The following CAB39 variants were observed in gnomAD, a reference collection of about 807,000 sequenced individuals.
CAB39 encodes calcium-binding protein 39.
A neutral mutation model predicts 40.0 loss-of-function variants in CAB39; 8 were observed. The observed-to-expected ratio is 0.20, with a 90% CI of 0.12 to 0.36. The LOEUF is 0.36. Among genes scored for constraint, CAB39 ranks in the 10% least tolerant of loss-of-function variants. The pLI is 1.00. For synonymous variants in CAB39, 156 were observed against 141.6 expected (o/e 1.10, Z -0.72); for missense variants, 270 against 401.1 (o/e 0.67, Z 2.79).
chr2:230,747,686 T>A (rs1466475425), intron 1 of CAB39, among the ~76,000 whole-genome samples: 1 of 152,250 alleles, frequency 6.6e-6, no homozygotes, highest in Admixed American at 6.5e-5. Context: ...TTCCAGTGAT[T>A]TGAGACATAC....
At chr2:230,793,802 C>T (rs1695930661) in intron 4 of CAB39, among the ~76,000 whole-genome samples, 1 of 152,066 alleles carries the variant, frequency 6.6e-6, no homozygotes, top group Admixed American at 6.5e-5. Flanking sequence ...GAAGTAGTGT[C>T]CTTTGATTTT....
chr2:230,728,211 A>G (rs1488913630), intron 1 of CAB39, among the ~76,000 whole-genome samples: 1 of 152,084 alleles, frequency 6.6e-6, no homozygotes, highest in Non-Finnish European at 1.5e-5. Flanking sequence ...GCACTCCAGC[A>G]TGGGCGATAG....
intron 1 of CAB39, among the ~76,000 whole-genome samples, chr2:230,748,849 T>A (rs1199807849): frequency 5.0e-4 from 59 of 118,584 alleles, no homozygotes; most frequent in African/African-American, 1.3e-3. Flanking sequence ...TATATATATA[T>A]ATATATATAT....
At chr2:230,806,297 A>G (rs1215016930) in intron 5 of CAB39, among the ~76,000 whole-genome samples, 2 of 152,314 alleles carry the variant, frequency 1.3e-5, no homozygotes, top group East Asian at 1.9e-4. Flanking sequence ...GCAGGCTACC[A>G]GAGCCCACTT....
At chr2:230,791,097 G>A (rs368477966) in intron 3 of CAB39, 61 bp downstream of exon 3, 17 of 1,232,518 alleles carry the variant, frequency 1.4e-5, no homozygotes, top group South Asian at 1.5e-5. Context: ...TTTTCCATAC[G>A]TTCTCTCTTT....
In CAB39 at chr2:230,798,789, T is replaced by C. The variant is rs761456385; in HGVS notation, c.459T>C (p.His153=). 2.6e-5 allele frequency: 42 copies of C among 1,610,896 alleles called. No individual in the cohort carries two copies. The East Asian group carries it at 8.5e-4, about 33-fold the overall frequency. ...CGIMLRECIR[H]EPLAKIILWS... is the part of the protein sequence containing the mutation. ...TAATGTTAAGAGAATGCATCAGACA[T>C]GAACCACTTGCAAAAATCATTTTGT... The change falls in exon 5 of 9, where the codon CAT becomes CAC. Residue 153 remains histidine, a synonymous_variant. Transcript: ENST00000258418.
intron 1 of CAB39, among the ~76,000 whole-genome samples, chr2:230,727,096 G>A (rs934959276): frequency 5.3e-5 from 8 of 151,962 alleles, no homozygotes; most frequent in Admixed American, 2.0e-4. Flanking sequence ...GTAGACACTG[G>A]GTCTAAATTT....
At chr2:230,785,854 T>C (rs1695780160) in intron 2 of CAB39, among the ~76,000 whole-genome samples, 1 of 151,398 alleles carries the variant, frequency 6.6e-6, no homozygotes. Flanking sequence ...AGCTAACTTT[T>C]GTGTTTTTTT....
chr2:230,799,182 G>GT (rs1294053404), intron 5 of CAB39: 1 of 262,024 alleles, frequency 3.8e-6, no homozygotes, highest in Non-Finnish European at 6.9e-6. Flanking sequence ...TACAGCATAT[G>GT]TAACAACCAG....
rs1366529396 is a variant in CAB39, at chr2:230,817,889, G to A, written c.829G>A (p.Val277Ile). The A allele has an allele frequency of 6.2e-7, 1 of 1,610,340 alleles. No individual in the cohort carries two copies. The highest frequency in any genetic ancestry group is 1.1e-5 in the South Asian group (1 of 90,514). ...CAACATCCAGTTTGAGGCCTTTCAC[G>A]TTTTTAAGGTAGAGTACTAGAAGCA... is the stretch of plus-strand genomic sequence containing the variant. ...SRNIQFEAFH[V>I]FKVFVANPNK... The change falls in exon 8 of 9, where the codon GTT becomes ATT. Residue 277 changes from valine (V) to isoleucine (I), a missense_variant. Val to Ile is a conservative substitution (Grantham distance 29). Transcript: ENST00000258418.
chr2:230,811,520 A>G (rs1381860150), intron 6 of CAB39, among the ~76,000 whole-genome samples: 2 of 152,202 alleles, frequency 1.3e-5, no homozygotes, highest in African/African-American at 2.4e-5. Flanking sequence ...GCCTTTTTAC[A>G]GTAGATAGAA....
intron 5 of CAB39, among the ~76,000 whole-genome samples, chr2:230,803,663 G>T (rs931430141): frequency 4.6e-5 from 7 of 152,154 alleles, no homozygotes; most frequent in African/African-American, 1.7e-4. Context: ...TTGCTACAAA[G>T]AGAATAAAAT....
intron 1 of CAB39, among the ~76,000 whole-genome samples, chr2:230,750,925 A>G (rs1219410898): frequency 1.3e-5 from 2 of 152,228 alleles, no homozygotes; most frequent in South Asian, 2.1e-4. Flanking sequence ...AACCCAGGCT[A>G]TCTTTAAAAC....
rs1279692855 is a variant in CAB39 at position 230,820,442 on chromosome 2, C to T, written c.*1738C>T. 1 of 151,896 alleles carries T rather than the reference C, an allele frequency of 6.6e-6. No individual in the cohort carries two copies. Among genetic ancestry groups the T allele is most frequent in the Non-Finnish European group, 1.5e-5 (1 of 67,976 alleles). The allele number at this position is 151,896 out of a possible 1,614,324, so 9.4% of individuals were successfully genotyped here. A position where few individuals can be genotyped will look rare whatever the true frequency, so the allele number is the denominator to read the frequency against. On this transcript the variant is annotated 3_prime_UTR_variant, in exon 9 of 9. Transcript: ENST00000258418. Reference sequence around the variant, plus strand: ...TGGCATTTCTCAAGACTGTCTTTACCAGAATCTGTGTGAAATAAGGCAATC... The same window carrying T: ...TGGCATTTCTCAAGACTGTCTTTACTAGAATCTGTGTGAAATAAGGCAATC...
chr2:230,800,951 G>A (rs1257391240), intron 5 of CAB39, among the ~76,000 whole-genome samples: 1 of 152,030 alleles, frequency 6.6e-6, no homozygotes, highest in Non-Finnish European at 1.5e-5. Flanking sequence ...GCCCTATCAG[G>A]TCATGGTGGC....
intron 2 of CAB39, among the ~76,000 whole-genome samples, chr2:230,776,456 C>T (rs955088060): frequency 2.0e-5 from 3 of 152,176 alleles, no homozygotes; most frequent in African/African-American, 7.2e-5. Flanking sequence ...TGTGGATATG[C>T]ATATAGCTCT....
At chr2:230,793,370 C>T (rs373531141) in intron 4 of CAB39, 39 bp downstream of exon 4, 3 of 1,005,646 alleles carry the variant, frequency 3.0e-6, no homozygotes, top group Non-Finnish European at 4.3e-6. Context: ...CTCAGTTGAA[C>T]ATAAAGGAAG....
At chr2:230,811,355 A>C (rs1382297052) in intron 6 of CAB39, among the ~76,000 whole-genome samples, 2 of 152,196 alleles carry the variant, frequency 1.3e-5, no homozygotes, top group Non-Finnish European at 2.9e-5. Flanking sequence ...TAAGAACATA[A>C]CACAACACTG....
At chr2:230,744,157 G>A (rs1342125802) in intron 1 of CAB39, among the ~76,000 whole-genome samples, 1 of 152,110 alleles carries the variant, frequency 6.6e-6, no homozygotes, top group African/African-American at 2.4e-5. Context: ...GACCTCAAGT[G>A]ATCCACCTGC....
Sources: allele counts gnomAD v4.1 joint callset (sites outside exome capture counted in the v4.1 genomes callset), GRCh38; gene constraint gnomAD v4.1.1; transcripts MANE v1.5; gene names NCBI Gene and HGNC (gene_info 2026-07-23, HGNC 2026-07-21).